TRIM22: variants seen among roughly 807,000 people sequenced by gnomAD.
TRIM22 encodes the protein E3 ubiquitin-protein ligase TRIM22.
A neutral mutation model predicts 53.6 loss-of-function variants in TRIM22; 45 were observed. That is an observed-to-expected ratio of 0.84 (90% CI 0.66 to 1.08). TRIM22 has a LOEUF of 1.08. TRIM22 is among the 50% of genes least tolerant of loss of function. TRIM22 has a pLI of 0.00. For missense variants in TRIM22, 616 were observed against 590.9 expected, an observed-to-expected ratio of 1.04 and a Z score of -0.44; for synonymous variants, 225 against 216.6, an observed-to-expected ratio of 1.04 and a Z score of -0.34.
intron 1 of TRIM22, among the ~76,000 whole-genome samples, chr11:5,691,361 A>C (rs115920072): frequency 2.4e-4 from 37 of 152,248 alleles, no homozygotes; most frequent in African/African-American, 8.7e-4. Flanking sequence ...ATACACCGGT[A>C]ATTAGATCGG....
chr11:5,694,434 A>C (rs1337933028), intron 1 of TRIM22, among the ~76,000 whole-genome samples: 2 of 152,232 alleles, frequency 1.3e-5, no homozygotes, highest in Non-Finnish European at 2.9e-5. Flanking sequence ...TTAAAACCAC[A>C]GCATGCCCCA....
intron 1 of TRIM22, among the ~76,000 whole-genome samples, chr11:5,690,620 A>C (rs944575800): frequency 6.6e-6 from 1 of 152,212 alleles, no homozygotes; most frequent in Non-Finnish European, 1.5e-5. Context: ...GGGGAGGGGC[A>C]CTGTGAATTA....
At chr11:5,699,380 CG>C in intron 4 of TRIM22, among the ~76,000 whole-genome samples, 1 of 143,028 alleles carries the variant, frequency 7.0e-6, no homozygotes, top group East Asian at 2.0e-4. Context: ...AAAAATTAGC[CG>C]GGCGCGGTGG....
At chr11:5,695,070 G>A (rs1039106593) in intron 1 of TRIM22, among the ~76,000 whole-genome samples, 1 of 152,130 alleles carries the variant, frequency 6.6e-6, no homozygotes, top group Non-Finnish European at 1.5e-5. Flanking sequence ...TCTAGGTATA[G>A]AGGACATATC....
intron 1 of TRIM22, among the ~76,000 whole-genome samples, chr11:5,693,575 C>T (rs1483214557): frequency 1.2e-4 from 18 of 151,456 alleles, no homozygotes; most frequent in Non-Finnish European, 2.9e-5. Context: ...ACCAAAAAAT[C>T]ACCCGGGTGT....
intron 2 of TRIM22, 111 bp from the exon 3 acceptor site, chr11:5,697,137 G>A (rs935419433): frequency 2.6e-6 from 2 of 755,230 alleles, no homozygotes; most frequent in Non-Finnish European, 4.2e-6. Context: ...CAGCCTCACT[G>A]TTTCTGTAAA....
At position 5,710,720 on chromosome 11, in the gene TRIM22, C is replaced by T. The variant is rs987342783; in HGVS notation, c.*1072C>T. On this transcript the variant is annotated 3_prime_UTR_variant, in exon 8 of 8. Transcript: ENST00000379965. ...AAACAAACTTTTATTAAATGTAAGG[C>T]ACTTTTCTATGAATTTTAAATATAA... The T allele has an allele frequency of 6.6e-6, 1 of 152,118 alleles. No individual in the cohort carries two copies. The highest frequency in any genetic ancestry group is 1.5e-5 in the Non-Finnish European group (1 of 68,016). 9.4% of individuals were successfully genotyped at this position (152,118 alleles called of 1,614,324 possible). A position where few individuals can be genotyped will look rare whatever the true frequency, so the allele number is the denominator to read the frequency against.
intron 3 of TRIM22, chr11:5,697,960 C>A: frequency 4.5e-6 from 1 of 220,718 alleles, no homozygotes; most frequent in Non-Finnish European, 9.3e-6. Context: ...ATCTCAGCCT[C>A]CCAAAGTGCT....
intron 3 of TRIM22, 166 bp downstream of exon 3, chr11:5,697,509 G>A: frequency 1.8e-6 from 1 of 542,214 alleles, no homozygotes; most frequent in Admixed American, 3.4e-5. Flanking sequence ...TTTAGGGGCT[G>A]GAGAGTAGAC....
At chr11:5,696,784 A>G (rs1853270870) in intron 2 of TRIM22, 129 bp downstream of exon 2, 3 of 999,326 alleles carry the variant, frequency 3.0e-6, no homozygotes, top group African/African-American at 3.2e-5. Context: ...ATCTCTTTCC[A>G]TACTCTTTGC....
At chr11:5,697,113 T>C in intron 2 of TRIM22, 135 bp from the exon 3 acceptor site, 1 of 626,344 alleles carries the variant, frequency 1.6e-6, no homozygotes, top group Non-Finnish European at 2.7e-6. Context: ...CCCCATGCCA[T>C]AGGTTCTAAT....
chr11:5,697,138 T>C (rs1853277516), intron 2 of TRIM22, 110 bp from the exon 3 acceptor site: 2 of 758,354 alleles, frequency 2.6e-6, no homozygotes, highest in Admixed American at 6.2e-5. Context: ...AGCCTCACTG[T>C]TTCTGTAAAC....
intron 4 of TRIM22, among the ~76,000 whole-genome samples, chr11:5,699,703 T>C (rs1853336782): frequency 6.6e-6 from 1 of 150,510 alleles, no homozygotes; most frequent in Non-Finnish European, 1.5e-5. Flanking sequence ...CTTCACATCC[T>C]TGTTAATACT....
At chr11:5,693,483 G>A (rs1853207865) in intron 1 of TRIM22, among the ~76,000 whole-genome samples, 1 of 151,828 alleles carries the variant, frequency 6.6e-6, no homozygotes, top group East Asian at 2.0e-4. Context: ...CACTTTGGGA[G>A]GCCGAGGCGG....
intron 3 of TRIM22, 63 bp from the exon 4 acceptor site, chr11:5,698,252 G>A: frequency 2.2e-6 from 3 of 1,336,338 alleles, no homozygotes; most frequent in South Asian, 1.2e-5. Context: ...TGTCTCCCAG[G>A]CTCATACAAA....
At position 5,709,629 on chromosome 11, in the gene TRIM22, T is replaced by G; in HGVS notation, c.1478T>G (p.Val493Gly). 6.2e-7 allele frequency: 1 copy of G among 1,604,848 alleles called. No homozygotes were observed. The highest frequency in any genetic ancestry group is 8.5e-7 in the Non-Finnish European group (1 of 1,178,718). Residue 493 changes from valine (V) to glycine (G), a missense_variant, in exon 8 of 8, where the codon GTG becomes GGG. Transcript: ENST00000379965. ...NPWNCLVPMTVCPPSS is the reference protein window; with the variant it reads ...NPWNCLVPMTGCPPSS ...TGGAACTGCCTAGTCCCCATGACTG[T>G]GTGCCCACCGAGCTCCTGAGTGTTC...
In TRIM22 at chr11:5,709,591, G is replaced by T. The variant is rs370806410; in HGVS notation, c.1440G>T (p.Pro480=). The T allele has an allele frequency of 3.7e-6, 6 of 1,612,662 alleles. No individual in the cohort carries two copies. The highest frequency in any genetic ancestry group is 1.6e-4 in the Middle Eastern group (1 of 6,062). The change falls in exon 8 of 8, where the codon CCG becomes CCT. Residue 480 remains proline (P), a synonymous_variant. Transcript: ENST00000379965. ...SGCRFSRPAY[P]YFNPWNCLVP... is the part of the protein sequence containing the mutation. The stretch of plus-strand genomic sequence containing the variant: ...GTCGCTTTTCTCGACCTGCTTATCC[G>T]TATTTCAATCCTTGGAACTGCCTAG...
chr11:5,692,355 GAACT>G (rs1171957986), intron 1 of TRIM22, among the ~76,000 whole-genome samples: 2 of 152,298 alleles, frequency 1.3e-5, no homozygotes, highest in African/African-American at 4.8e-5. Context: ...AAGAACTGAT[GAACT>G]AACTGTGAGA....
At chr11:5,708,067 G>T (rs997691971) in intron 5 of TRIM22, 106 bp from the exon 6 acceptor site, 1 of 861,884 alleles carries the variant, frequency 1.2e-6, no homozygotes. Flanking sequence ...CAGGGAAGAG[G>T]GTCCAAGTGC....
Sources: allele counts gnomAD v4.1 joint callset (sites outside exome capture counted in the v4.1 genomes callset), GRCh38; gene constraint gnomAD v4.1.1; transcripts MANE v1.5; gene names NCBI Gene and HGNC (gene_info 2026-07-23, HGNC 2026-07-21).